Variants in CTNNA3 observed in about 807,000 individuals in gnomAD.
CTNNA3 encodes the protein catenin alpha 3.
A neutral mutation model predicts 95.7 loss-of-function variants in CTNNA3; 76 were observed. The ratio of observed to expected loss-of-function variants is 0.79; its 90% CI spans 0.66 to 0.96. CTNNA3 has a LOEUF of 0.96. CTNNA3 is among the 40% of genes least tolerant of loss of function. The pLI is 0.00. For missense variants in CTNNA3, 1,191 were observed against 1,089.8 expected, an observed-to-expected ratio of 1.09 and a Z score of -1.31; for synonymous variants, 431 against 374.4, an observed-to-expected ratio of 1.15 and a Z score of -1.74.
At chr10:66,315,083 C>A (rs980490731) in intron 12 of CTNNA3, among the ~76,000 whole-genome samples, 1 of 152,002 alleles carries the variant, frequency 6.6e-6, no homozygotes, top group Non-Finnish European at 1.5e-5. Flanking sequence ...TAATAGTACA[C>A]CGTGGTTCTT....
chr10:67,086,559 G>C lies in CTNNA3; in HGVS notation c.1047+93758C>G, dbSNP rs993794277. On this transcript the variant is annotated intron_variant, in intron 7 of 17. Transcript: ENST00000433211. ...GCAGGACAAACTATTTTTAGATGAGGCATGTCAAAAACGTAGTCTGTTTTA... is the reference window on the plus strand; with the variant it reads ...GCAGGACAAACTATTTTTAGATGAGCCATGTCAAAAACGTAGTCTGTTTTA... Among the ~76,000 whole-genome samples, 48 of 152,026 alleles carry C rather than the reference G, an allele frequency of 3.2e-4. 1 individual carries two copies. Among genetic ancestry groups the C allele is most frequent in the African/African-American group, 1.0e-3 (42 of 41,516 alleles).
intron 9 of CTNNA3, among the ~76,000 whole-genome samples, chr10:66,724,407 C>T (rs878919549): frequency 4.6e-5 from 7 of 152,238 alleles, no homozygotes; most frequent in Admixed American, 2.6e-4. Flanking sequence ...ACAGGGAATA[C>T]GCCATTAATC....
At chr10:67,540,183 T>A (rs563823421) in intron 3 of CTNNA3, among the ~76,000 whole-genome samples, 41 of 152,202 alleles carry the variant, frequency 2.7e-4, no homozygotes, top group African/African-American at 8.4e-4. Flanking sequence ...TACCTAATTG[T>A]TAGAGAATAT....
rs55754039 is a variant in CTNNA3, at chr10:65,994,427, AT to A, written c.2160-5631del. On this transcript the variant is annotated intron_variant, in intron 15 of 17. Coordinates refer to ENST00000433211, the MANE Select transcript of CTNNA3 (RefSeq NM_013266.4). The stretch of plus-strand genomic sequence containing the variant: ...GCTGGGTATAGTGTTCTGGATTGAC[AT>A]TTTTTTTTTTTGGTTTTTCTCCTCC... Among the ~76,000 whole-genome samples, 400 of 144,882 alleles carry A rather than the reference AT, an allele frequency of 2.8e-3. 2 individuals carry two copies. The highest frequency in any genetic ancestry group is 4.0e-3 in the Non-Finnish European group (260 of 65,584).
intron 5 of CTNNA3, among the ~76,000 whole-genome samples, chr10:67,400,954 T>C (rs1204470840): frequency 6.6e-6 from 1 of 152,210 alleles, no homozygotes. Context: ...GCTTATCTAA[T>C]AATATGATCC....
intron 12 of CTNNA3, among the ~76,000 whole-genome samples, chr10:66,313,765 A>T (rs1187252756): frequency 6.6e-6 from 1 of 152,204 alleles, no homozygotes; most frequent in Admixed American, 6.5e-5. Context: ...AAGTGAATGA[A>T]TATATGCAGT....
intron 2 of CTNNA3, among the ~76,000 whole-genome samples, chr10:67,647,174 ATATT>A (rs1183916946): frequency 7.0e-6 from 1 of 142,462 alleles, no homozygotes; most frequent in Non-Finnish European, 1.5e-5. Context: ...ATATATATAT[ATATT>A]ATTACTGCTA....
chr10:66,776,419 A>G (rs1840302231), intron 7 of CTNNA3, among the ~76,000 whole-genome samples: 1 of 152,188 alleles, frequency 6.6e-6, no homozygotes, highest in Non-Finnish European at 1.5e-5. Context: ...CACGAACTCA[A>G]TGAAAAAGGA....
chr10:66,533,762 GCTATGGTGATGAAAATATGT>G (rs1330162670), intron 10 of CTNNA3, among the ~76,000 whole-genome samples: 1 of 152,038 alleles, frequency 6.6e-6, no homozygotes, highest in Non-Finnish European at 1.5e-5. Flanking sequence ...TATACCAGTA[GCTATGGTGATGAAAATATGT>G]CTATATGGTC....
intron 16 of CTNNA3, among the ~76,000 whole-genome samples, chr10:65,978,303 C>T (rs544928005): frequency 6.6e-5 from 10 of 152,180 alleles, no homozygotes; most frequent in South Asian, 4.1e-4. Context: ...GTTGCAGTTC[C>T]TCCCTTATAT....
intron 1 of CTNNA3, among the ~76,000 whole-genome samples, chr10:67,711,164 G>T (rs1589577967): frequency 6.6e-6 from 1 of 152,142 alleles, no homozygotes; most frequent in African/African-American, 2.4e-5. Context: ...TTTGCAAATT[G>T]CCCAGTATTG....
At chr10:66,278,456 T>C (rs780593718) in intron 13 of CTNNA3, among the ~76,000 whole-genome samples, 5 of 152,006 alleles carry the variant, frequency 3.3e-5, no homozygotes, top group Non-Finnish European at 5.9e-5. Context: ...TGGAAGTATT[T>C]ATCTTGAAAA....
At chr10:67,669,084 C>T (rs578262657) in intron 1 of CTNNA3, among the ~76,000 whole-genome samples, 6 of 152,078 alleles carry the variant, frequency 3.9e-5, no homozygotes, top group Admixed American at 2.0e-4. Flanking sequence ...GTGATCTGCC[C>T]GCCTCGGCCT....
intron 9 of CTNNA3, among the ~76,000 whole-genome samples, chr10:66,625,983 A>G (rs1230398533): frequency 1.3e-5 from 2 of 151,878 alleles, no homozygotes; most frequent in African/African-American, 4.8e-5. Context: ...GAGATGGAAA[A>G]TTTTTTCAAT....
intron 4 of CTNNA3, among the ~76,000 whole-genome samples, chr10:67,535,753 G>A (rs1006171270): frequency 6.6e-6 from 1 of 152,030 alleles, no homozygotes; most frequent in African/African-American, 2.4e-5. Flanking sequence ...GAGATGATTT[G>A]GGGGACTTCT....
intron 7 of CTNNA3, chr10:66,926,870 G>T: frequency 1.3e-6 from 2 of 1,483,312 alleles, no homozygotes. Flanking sequence ...CTTGATTAAG[G>T]ATTAATTCTT....
chr10:66,666,774 C>A (rs1383272710), intron 9 of CTNNA3, among the ~76,000 whole-genome samples: 1 of 150,084 alleles, frequency 6.7e-6, no homozygotes, highest in Admixed American at 6.7e-5. Flanking sequence ...TGATATCACC[C>A]CCAAGAGGCT....
intron 12 of CTNNA3, among the ~76,000 whole-genome samples, chr10:66,342,525 C>T (rs1033626327): frequency 2.0e-5 from 3 of 151,972 alleles, no homozygotes; most frequent in Non-Finnish European, 4.4e-5. Context: ...TTATTATCTT[C>T]TACATAGTCA....
chr10:66,463,960 T>C (rs1024644196), intron 11 of CTNNA3, among the ~76,000 whole-genome samples: 1 of 151,968 alleles, frequency 6.6e-6, no homozygotes, highest in Non-Finnish European at 1.5e-5. Flanking sequence ...GGAATGGATA[T>C]TTAATAGCTT....
Sources: gnomAD v4.1 joint callset for allele counts (sites outside exome capture counted in the v4.1 genomes callset) on GRCh38, gnomAD v4.1.1 for gene constraint, MANE v1.5 for transcripts, NCBI Gene and HGNC (gene_info 2026-07-23, HGNC 2026-07-21) for gene names.